The following HCN4 variants were observed in gnomAD, a reference collection of about 807,000 sequenced individuals.
HCN4 encodes the protein hyperpolarization activated cyclic nucleotide gated potassium channel 4, also known as potassium/sodium hyperpolarization-activated cyclic nucleotide-gated channel 4.
HCN4 carries 29 observed loss-of-function variants against 76.9 expected under a neutral mutation model. That is an observed-to-expected ratio of 0.38 (90% CI 0.28 to 0.51). HCN4 has a LOEUF of 0.51. HCN4 is among the 20% of genes least tolerant of loss of function. The pLI is 0.90. For missense variants in HCN4, 1,416 were observed against 1,715.2 expected (o/e 0.83, Z 3.08); for synonymous variants, 772 against 762.5 (o/e 1.01, Z -0.21).
Position 73,321,960 on chromosome 15 carries a change from G to A in HCN4, c.*521C>T, listed in dbSNP as rs1241002136. The A allele has an allele frequency of 4.3e-5, 8 of 187,034 alleles. No homozygotes were observed. Among genetic ancestry groups the A allele is most frequent in the Non-Finnish European group, 4.5e-5 (4 of 89,320 alleles). The allele number at this position is 187,034 out of a possible 1,614,324, so 11.6% of individuals were successfully genotyped here. On this transcript the variant is annotated 3_prime_UTR_variant, in exon 8 of 8. Transcript: ENST00000261917. Reference sequence around the variant, plus strand: ...CATATTCATATACAGATCTTGCTACGTTTACAGTAGAAAAAATGCTAGGCC... The same window carrying A: ...CATATTCATATACAGATCTTGCTACATTTACAGTAGAAAAAATGCTAGGCC...
intron 1 of HCN4, among the ~76,000 whole-genome samples, chr15:73,363,743 G>C (rs890055422): frequency 6.6e-6 from 1 of 152,166 alleles, no homozygotes; most frequent in African/African-American, 2.4e-5. Flanking sequence ...GACAGGGGAG[G>C]TGTGGTTCAC....
At chr15:73,341,520 C>T (rs2043003148) in intron 2 of HCN4, among the ~76,000 whole-genome samples, 1 of 152,162 alleles carries the variant, frequency 6.6e-6, no homozygotes, top group African/African-American at 2.4e-5. Context: ...CAACTTATAC[C>T]TATTTTGCAG....
At position 73,322,453 on chromosome 15, in the gene HCN4, A is replaced by T; in HGVS notation, c.*28T>A. The T allele has an allele frequency of 6.5e-7, 1 of 1,529,744 alleles. No homozygotes were observed. The highest frequency in any genetic ancestry group is 2.4e-5 in the East Asian group (1 of 41,744). The allele number at this position is 1,529,744 out of a possible 1,614,324, so 94.8% of individuals were successfully genotyped here. A position where few individuals can be genotyped will look rare whatever the true frequency, so the allele number is the denominator to read the frequency against. On this transcript the variant is annotated 3_prime_UTR_variant, in exon 8 of 8. Coordinates refer to ENST00000261917, the MANE Select transcript of HCN4 (RefSeq NM_005477.3). ...AGGAAGAAGGAAGGGAGAGAAAAGA[A>T]GAAAGAAGAGGGAAGGAAGGGCCCA... is the stretch of plus-strand genomic sequence containing the variant.
chr15:73,366,529 C>G (rs1244486331), intron 1 of HCN4, among the ~76,000 whole-genome samples: 3 of 152,192 alleles, frequency 2.0e-5, no homozygotes, highest in Non-Finnish European at 4.4e-5. Flanking sequence ...AGGACCTTGA[C>G]TTAGGTAAAG....
chr15:73,320,319 T>G lies in HCN4; in HGVS notation c.*2162A>C, dbSNP rs2042849726. ...GTCTTTACCTAAGATCCCAGGAACC[T>G]TCACCCACTTCTCTCCTGGAGTACT... On this transcript the variant is annotated 3_prime_UTR_variant, in exon 8 of 8. Coordinates refer to ENST00000261917, the MANE Select transcript of HCN4 (RefSeq NM_005477.3). 6.6e-6 allele frequency: 1 copy of G among 152,480 alleles called. No individual in the cohort carries two copies. The allele number at this position is 152,480 out of a possible 1,614,324, so 9.4% of individuals were successfully genotyped here.
chr15:73,368,312 G>A lies in HCN4; in HGVS notation c.-42C>T. On this transcript the variant is annotated 5_prime_UTR_variant, in exon 1 of 8. Coordinates refer to ENST00000261917, the MANE Select transcript of HCN4 (RefSeq NM_005477.3). The surrounding 1 kb of genome is among the most constrained non-coding windows in gnomAD (Gnocchi z 6.9). ...GTCGGACCGGGCCGGGGGCAGGAGC[G>A]CGGCGCCGCGGACGGGCTCCAGGTC... 6.5e-6 allele frequency: 9 copies of A among 1,382,078 alleles called. No individual in the cohort carries two copies. Among genetic ancestry groups the A allele is most frequent in the Non-Finnish European group, 8.5e-6 (9 of 1,058,656 alleles). The allele number at this position is 1,382,078 out of a possible 1,614,324, so 85.6% of individuals were successfully genotyped here.
chr15:73,325,479 CA>C lies in HCN4; in HGVS notation c.1591-36del, dbSNP rs1254768545. On this transcript the variant is annotated intron_variant, in intron 4 of 7. Transcript: ENST00000261917. This position sits in a 1 kb window ranked among gnomAD's most constrained non-coding sequence, Gnocchi z 7.4. ...GGAGAAGGGGGCGTCAGCTCCACCC[CA>C]CCAGGGGGCGTCAGCAGCCAGCCCC... The C allele has an allele frequency of 4.3e-6, 7 of 1,612,180 alleles. No homozygotes were observed. The Admixed American group carries it at 1.2e-4, about 27-fold the overall frequency.
Position 73,367,745 on chromosome 15 carries a change from A to T in HCN4, c.526T>A (p.Ser176Thr), listed in dbSNP as rs2043135514. 1 of 1,575,020 alleles carries T rather than the reference A, an allele frequency of 6.3e-7. No homozygotes were observed. The part of the protein sequence containing the change: ...PPPQQPPQPA[S>T]ASCEQPSVDT... The stretch of plus-strand genomic sequence containing the variant: ...ACCGAGGGCTGCTCGCAGGAGGCGG[A>T]GGCCGGCTGCGGTGGCTGCTGGGGC... The change falls in exon 1 of 8, where the codon TCC (serine) becomes ACC (threonine). Residue 176 changes from serine to threonine, a missense_variant. This residue lies in a region of HCN4 where 355 missense variants were observed against 347.8 expected (regional missense o/e 1.02). Coordinates refer to ENST00000261917, the MANE Select transcript of HCN4 (RefSeq NM_005477.3). This position sits in a 1 kb window ranked among gnomAD's most constrained non-coding sequence, Gnocchi z 7.5.
At chr15:73,359,931 C>T (rs1179546693) in intron 1 of HCN4, among the ~76,000 whole-genome samples, 2 of 152,150 alleles carry the variant, frequency 1.3e-5, no homozygotes, top group Non-Finnish European at 2.9e-5. Flanking sequence ...TTAATGGCAC[C>T]CGGATATGGT....
chr15:73,323,864 C>G lies in HCN4; in HGVS notation c.2229G>C (p.Gln743His). The change falls in exon 8 of 8, where the codon CAG (glutamine) becomes CAC (histidine). Residue 743 changes from glutamine to histidine, a missense_variant. By Grantham distance (24) the Gln-to-His change is conservative. Coordinates refer to ENST00000261917, the MANE Select transcript of HCN4 (RefSeq NM_005477.3). The part of the protein sequence containing the change: ...VFNYQENEII[Q>H]QIVQHDREMA... ...TCTCCCGGTCATGCTGCACAATCTGCTGGATGATCTCATTCTCCTGGTAGT... is the reference window on the plus strand; with the variant it reads ...TCTCCCGGTCATGCTGCACAATCTGGTGGATGATCTCATTCTCCTGGTAGT... The G allele has an allele frequency of 6.2e-7, 1 of 1,604,588 alleles. No individual in the cohort carries two copies. Among genetic ancestry groups the G allele is most frequent in the South Asian group, 1.1e-5 (1 of 91,092 alleles).
rs932322820 is a variant in HCN4, at chr15:73,332,420, G to A, written c.1210-128C>T. On this transcript the variant is annotated intron_variant, in intron 2 of 7. Coordinates refer to ENST00000261917, the MANE Select transcript of HCN4 (RefSeq NM_005477.3). The stretch of plus-strand genomic sequence containing the variant: ...GGACTCTGCAGGGCGCCCACTCAGT[G>A]CAAATCCAGGCTGGGGGTGGGATGG... 1.0e-5 allele frequency: 9 copies of A among 889,716 alleles called. No individual in the cohort carries two copies. The African/African-American group carries it at 1.5e-4, about 15-fold the overall frequency. The allele number at this position is 889,716 out of a possible 1,614,324, so 55.1% of individuals were successfully genotyped here.
Position 73,323,247 on chromosome 15 carries a change from C to T in HCN4, c.2846G>A (p.Arg949Gln), listed in dbSNP as rs752139441. 1.1e-5 allele frequency: 17 copies of T among 1,522,596 alleles called. No individual in the cohort carries two copies. Among genetic ancestry groups the T allele is most frequent in the Middle Eastern group, 3.6e-4 (2 of 5,518 alleles). The allele number at this position is 1,522,596 out of a possible 1,614,324, so 94.3% of individuals were successfully genotyped here. The change falls in exon 8 of 8, where the codon CGG (arginine) becomes CAG (glutamine). Residue 949 changes from arginine (R) to glutamine (Q), a missense_variant. By Grantham distance (43) the Arg-to-Gln change is conservative. Around this residue, in one of 6 missense-constraint regions of HCN4, gnomAD observed 633 missense variants for 579.8 expected, o/e 1.09. Transcript: ENST00000261917. ...GTGCTCCGGGAGTCCCAGGCCTCCCCGGGCCCCGGGTGGCGCGGGAGATGG... is the reference window on the plus strand; with the variant it reads ...GTGCTCCGGGAGTCCCAGGCCTCCCTGGGCCCCGGGTGGCGCGGGAGATGG... ...AQPSPAPPGA[R>Q]GGLGLPEHFL...
intron 1 of HCN4, among the ~76,000 whole-genome samples, chr15:73,357,583 C>G (rs981928815): frequency 1.8e-4 from 28 of 152,060 alleles, no homozygotes; most frequent in Non-Finnish European, 2.8e-4. Flanking sequence ...GGCCCTTTCC[C>G]GGATGGCATT....
In HCN4 at chr15:73,343,415, G is replaced by A; in HGVS notation, c.1179C>T (p.Arg393=). 1 of 1,614,168 alleles carries A rather than the reference G, an allele frequency of 6.2e-7. No homozygotes were observed. Among genetic ancestry groups the A allele is most frequent in the Non-Finnish European group, 8.5e-7 (1 of 1,180,024 alleles). ...LSLLRLLRLS[R]LIRYIHQWEE... Reference sequence around the variant, plus strand: ...CCCACTGGTGAATATATCGAATGAGGCGGGAGAGGCGTAACAGGCGTAAGA... The same window carrying A: ...CCCACTGGTGAATATATCGAATGAGACGGGAGAGGCGTAACAGGCGTAAGA... Residue 393 remains arginine, a synonymous_variant, in exon 2 of 8, where the codon CGC becomes CGT. Transcript: ENST00000261917. This position sits in a 1 kb window ranked among gnomAD's most constrained non-coding sequence, Gnocchi z 5.7.
chr15:73,331,037 A>T (rs1051594802), intron 3 of HCN4, among the ~76,000 whole-genome samples: 2 of 152,078 alleles, frequency 1.3e-5, no homozygotes, highest in African/African-American at 4.8e-5. Flanking sequence ...TTCAAAGCCA[A>T]TTTTTCCTCC....
chr15:73,324,835 A>G, intron 6 of HCN4, 120 bp downstream of exon 6: 2 of 1,280,346 alleles, frequency 1.6e-6, no homozygotes, highest in Non-Finnish European at 2.2e-6. Flanking sequence ...CTGGGCTCAC[A>G]GACACCTCCC....
In HCN4 at chr15:73,329,777, C is replaced by T. The variant is rs2042922174; in HGVS notation, c.1386G>A (p.Gly462=). Residue 462 remains glycine (G), a synonymous_variant, in exon 4 of 8, where the codon GGG becomes GGA. Coordinates refer to ENST00000261917, the MANE Select transcript of HCN4 (RefSeq NM_005477.3). ...SINNMVNNSW[G]KQYSYALFKA... ...TGAAGAGCGCGTAGGAGTACTGCTT[C>T]CCCCAGGAGTTGTTCTGTGGACAGA... 3 of 1,613,570 alleles carry T rather than the reference C, an allele frequency of 1.9e-6. No homozygotes were observed. The highest frequency in any genetic ancestry group is 8.5e-7 in the Non-Finnish European group (1 of 1,179,814).
At chr15:73,354,352 T>C (rs1042948567) in intron 1 of HCN4, among the ~76,000 whole-genome samples, 7 of 152,240 alleles carry the variant, frequency 4.6e-5, no homozygotes, top group African/African-American at 1.7e-4. Flanking sequence ...GGGCAACAGC[T>C]AACCCAGTCT....
At position 73,339,667 on chromosome 15, in the gene HCN4, T is replaced by C. The variant is rs546485941; in HGVS notation, c.1209+3718A>G. ...AGGCCCAAAGGAGGAAAGAGACTCA[T>C]AGAGGGACTTGAAAGAGGAGATTAG... On this transcript the variant is annotated intron_variant, in intron 2 of 7. Coordinates refer to ENST00000261917, the MANE Select transcript of HCN4 (RefSeq NM_005477.3). Among the ~76,000 whole-genome samples, 10 of 152,302 alleles carry C rather than the reference T, an allele frequency of 6.6e-5. No homozygotes were observed. In the South Asian group the frequency reaches 1.9e-3, roughly 28 times the overall value.
Sources: allele counts gnomAD v4.1 joint callset (sites outside exome capture counted in the v4.1 genomes callset), GRCh38; gene constraint gnomAD v4.1.1; regional missense constraint gnomAD v4.1.1; non-coding constraint Gnocchi (gnomAD v3.1); transcripts MANE v1.5; gene names NCBI Gene and HGNC (gene_info 2026-07-23, HGNC 2026-07-21).